MUC5AC: variants seen among roughly 807,000 people sequenced by gnomAD.
MUC5AC encodes the protein mucin 5AC, oligomeric mucus/gel-forming.
MUC5AC carries 158 observed loss-of-function variants against 169.7 expected under a neutral mutation model. That is an observed-to-expected ratio of 0.93 (90% CI 0.82 to 1.06). The LOEUF (loss-of-function observed/expected upper bound fraction) is 1.06. Ranked by LOEUF, MUC5AC falls within the 50% of genes least tolerant of loss-of-function variation. The probability of loss-of-function intolerance (pLI) is 0.00; values close to 1 mark genes in which losing one functional copy is unlikely to be tolerated. For missense variants in MUC5AC, 4,359 were observed against 3,089.9 expected, an observed-to-expected ratio of 1.41 and a Z score of -9.74; for synonymous variants, 1,975 against 1,237.0, an observed-to-expected ratio of 1.60 and a Z score of -12.52.
intron 11 of MUC5AC, among the ~76,000 whole-genome samples, chr11:1,167,556 T>G (rs181148298): frequency 6.6e-6 from 1 of 152,360 alleles, no homozygotes; most frequent in Non-Finnish European, 1.5e-5. Context: ...TCCACTGCCC[T>G]GAAACCCCTT....
chr11:1,160,785 C>T (rs1386780826), intron 2 of MUC5AC, 96 bp downstream of exon 2: 1 of 1,283,984 alleles, frequency 7.8e-7, no homozygotes, highest in Admixed American at 2.1e-5. Flanking sequence ...AGGGTGGCTC[C>T]CCAGCTGGCC....
In MUC5AC at chr11:1,179,175, G is replaced by A. The variant is rs1410221829; in HGVS notation, c.3411G>A (p.Thr1137=). ...DSGGDCECFC[T]AVAAYAQACH... Reference sequence around the variant, plus strand: ...GGGGTGACTGCGAGTGCTTCTGCACGGCTGTGGCCGCCTACGCCCAGGCCT... The same window carrying A: ...GGGGTGACTGCGAGTGCTTCTGCACAGCTGTGGCCGCCTACGCCCAGGCCT... Residue 1137 remains threonine, a synonymous_variant, in exon 26 of 49, where the codon ACG becomes ACA. Coordinates refer to ENST00000621226, the MANE Select transcript of MUC5AC (RefSeq NM_001304359.2). 21 of 681,872 alleles carry A rather than the reference G, an allele frequency of 3.1e-5. 1 individual carries two copies. The highest frequency in any genetic ancestry group is 5.4e-4 in the Middle Eastern group (2 of 3,728). 42.2% of individuals were successfully genotyped at this position (681,872 alleles called of 1,614,324 possible). A position where few individuals can be genotyped will look rare whatever the true frequency, so the allele number is the denominator to read the frequency against.
rs373230615 is a variant in MUC5AC, at chr11:1,198,933, C to T, written c.16233C>T (p.Gly5411=). The T allele has an allele frequency of 1.3e-6, 1 of 761,730 alleles. No individual in the cohort carries two copies. The highest frequency in any genetic ancestry group is 2.4e-6 in the Non-Finnish European group (1 of 416,546). 47.2% of individuals were successfully genotyped at this position (761,730 alleles called of 1,614,324 possible). ...CCTGCAGGTGTGAGCTGCCGGGTGG[C>T]CCCCCATCGGACGCGTTTGTGGTCA... ...CETCRCELPG[G]PPSDAFVVSC... Residue 5411 remains glycine, a synonymous_variant, in exon 44 of 49, where the codon GGC becomes GGT. Transcript: ENST00000621226.
Position 1,162,206 on chromosome 11 carries a change from G to C in MUC5AC, c.473+38G>C, listed in dbSNP as rs372150343. ...TCTGGGATGGTGGGGGCCACGCGGC[G>C]TGTGGGGTGGCATTTCCGGGTGGTT... On this transcript the variant is annotated intron_variant, in intron 4 of 48. Coordinates refer to ENST00000621226, the MANE Select transcript of MUC5AC (RefSeq NM_001304359.2). 4 of 1,594,672 alleles carry C rather than the reference G, an allele frequency of 2.5e-6. No individual in the cohort carries two copies. The South Asian group carries it at 4.4e-5, about 18-fold the overall frequency.
chr11:1,169,785 C>T (rs1166901796), intron 15 of MUC5AC, among the ~76,000 whole-genome samples: 18 of 146,958 alleles, frequency 1.2e-4, no homozygotes, highest in African/African-American at 3.5e-4. Context: ...CACCCACTCA[C>T]GCTTTCACCC....
intron 16 of MUC5AC, among the ~76,000 whole-genome samples, chr11:1,172,787 C>G (rs1860578165): frequency 6.6e-6 from 1 of 151,944 alleles, no homozygotes; most frequent in East Asian, 1.9e-4. Flanking sequence ...CCCATTCACT[C>G]ACCCACTCAC....
chr11:1,196,109 C>T lies in MUC5AC; in HGVS notation c.15637+55C>T, dbSNP rs144327678. 464 of 715,550 alleles carry T rather than the reference C, an allele frequency of 6.5e-4. 1 individual carries two copies. The highest frequency in any genetic ancestry group is 9.5e-4 in the Non-Finnish European group (371 of 390,906). 44.3% of individuals were successfully genotyped at this position (715,550 alleles called of 1,614,324 possible). ...AAGTCGCTTGTGAGGGGCACAGGCA[C>T]GCCGGACGGACCAACAGGGTGGGCT... On this transcript the variant is annotated intron_variant, in intron 37 of 48. Coordinates refer to ENST00000621226, the MANE Select transcript of MUC5AC (RefSeq NM_001304359.2).
intron 26 of MUC5AC, among the ~76,000 whole-genome samples, chr11:1,179,706 C>A (rs1334743375): frequency 6.7e-6 from 1 of 149,324 alleles, no homozygotes; most frequent in Non-Finnish European, 1.5e-5. Flanking sequence ...GGGAGGAGGG[C>A]GTGGCTGACG....
chr11:1,178,824 C>T, intron 25 of MUC5AC, 141 bp downstream of exon 25: 1 of 448,942 alleles, frequency 2.2e-6, no homozygotes, highest in Non-Finnish European at 3.7e-6. Context: ...CTGGTATGGA[C>T]TCGCCTAGAG....
chr11:1,190,887 A>C lies in MUC5AC; in HGVS notation c.12742A>C (p.Ser4248Arg). The C allele has an allele frequency of 2.7e-6, 2 of 740,746 alleles. No individual in the cohort carries two copies. Among genetic ancestry groups the C allele is most frequent in the Non-Finnish European group, 4.9e-6 (2 of 406,308 alleles). 45.9% of individuals were successfully genotyped at this position (740,746 alleles called of 1,614,324 possible). A position where few individuals can be genotyped will look rare whatever the true frequency, so the allele number is the denominator to read the frequency against. Residue 4248 changes from serine to arginine, a missense_variant, in exon 31 of 49, where the codon AGC (serine) becomes CGC (arginine). Transcript: ENST00000621226. ...TTSTTSAPTT[S>R]TTSGPGTTPS... ...CAGCACAACTTCTGCTCCTACAACC[A>C]GCACAACCTCTGGTCCTGGAACTAC... is the stretch of plus-strand genomic sequence containing the variant.
Position 1,178,694 on chromosome 11 carries a change from C to CG in MUC5AC, c.3327+17dup. ...GCCTGCCACGCACACGTATGCTGGCCGGGGGGCGTTTCTCTGGGCCCAAGG... is the reference window on the plus strand; with the variant it reads ...GCCTGCCACGCACACGTATGCTGGCCGGGGGGGCGTTTCTCTGGGCCCAAGG... On this transcript the variant is annotated intron_variant, in intron 25 of 48. Coordinates refer to ENST00000621226, the MANE Select transcript of MUC5AC (RefSeq NM_001304359.2). 6.4e-6 allele frequency: 8 copies of CG among 1,258,120 alleles called. No individual in the cohort carries two copies. The highest frequency in any genetic ancestry group is 2.5e-4 in the Middle Eastern group (1 of 3,998). The allele number at this position is 1,258,120 out of a possible 1,614,324, so 77.9% of individuals were successfully genotyped here.
rs983083626 is a variant in MUC5AC at position 1,172,535 on chromosome 11, C to T, written c.1965+12C>T. ...GAACCTACTACTCGGTAACATCTGC[C>T]GCCTCTTGGCCCGGTGGGGCTCCAG... On this transcript the variant is annotated intron_variant, in intron 16 of 48. Transcript: ENST00000621226. 6.8e-5 allele frequency: 27 copies of T among 398,562 alleles called. No individual in the cohort carries two copies. Among genetic ancestry groups the T allele is most frequent in the African/African-American group, 2.7e-4 (13 of 48,650 alleles). The allele number at this position is 398,562 out of a possible 1,614,324, so 24.7% of individuals were successfully genotyped here.
rs757080763 is a variant in MUC5AC, at chr11:1,199,718, C to T, written c.16539C>T (p.Asp5513=). The T allele has an allele frequency of 4.2e-5, 30 of 711,498 alleles. No homozygotes were observed. Among genetic ancestry groups the T allele is most frequent in the African/African-American group, 1.0e-4 (6 of 57,590 alleles). The allele number at this position is 711,498 out of a possible 1,614,324, so 44.1% of individuals were successfully genotyped here. Residue 5513 remains aspartate, a synonymous_variant, in exon 47 of 49, where the codon GAC becomes GAT. Coordinates refer to ENST00000621226, the MANE Select transcript of MUC5AC (RefSeq NM_001304359.2). ...CSLDEARMSK[D]GCCRFCPPPP... is the part of the protein sequence containing the mutation. ...AGGACGAGGCCCGCATGAGCAAGGACGGCTGCTGCCGCTTCTGCCCGCCGC... is the reference window on the plus strand; with the variant it reads ...AGGACGAGGCCCGCATGAGCAAGGATGGCTGCTGCCGCTTCTGCCCGCCGC...
rs985995358 is a variant in MUC5AC at position 1,168,787 on chromosome 11, G to A, written c.1705+8G>A. The A allele has an allele frequency of 2.5e-6, 4 of 1,592,756 alleles. No homozygotes were observed. Among genetic ancestry groups the A allele is most frequent in the Non-Finnish European group, 2.6e-6 (3 of 1,165,574 alleles). ...TCCGTGGGCAGACCTGCGGTAAGAG[G>A]GCTGCCTTCTGGGCTTGGAGCCCAC... is the stretch of plus-strand genomic sequence containing the variant. On this transcript the variant is annotated splice_region_variant and intron_variant, in intron 14 of 48. Coordinates refer to ENST00000621226, the MANE Select transcript of MUC5AC (RefSeq NM_001304359.2).
At position 1,169,357 on chromosome 11, in the gene MUC5AC, TCACTCACC is replaced by T. The variant is rs1434121836; in HGVS notation, c.1870+351_1870+358del. On this transcript the variant is annotated intron_variant, in intron 15 of 48. Transcript: ENST00000621226. ...CTCACCCACCCGTTCACCCATTCAC[TCACTCACC>T]CACTCACCCACTCACCCACCTCACT... Among the ~76,000 whole-genome samples the T allele has an allele frequency of 9.7e-3, 1,446 of 149,010 alleles. 6 individuals are homozygous for T. Among genetic ancestry groups the T allele is most frequent in the Non-Finnish European group, 0.014 (938 of 67,116 alleles).
At position 1,191,581 on chromosome 11, in the gene MUC5AC, C is replaced by G. The variant is rs111164685; in HGVS notation, c.13436C>G (p.Thr4479Ser). ...PITSMTSGPGTTPSPVPTTST... is the reference protein window; with the variant it reads ...PITSMTSGPGSTPSPVPTTST... ...ACCAGCATGACCTCTGGTCCTGGAA[C>G]TACTCCCAGCCCTGTTCCCACCACC... Residue 4479 changes from threonine (T) to serine (S), a missense_variant, in exon 31 of 49, where the codon ACT (threonine) becomes AGT (serine). Physicochemically the swap from Thr to Ser is moderately conservative, Grantham distance 58. Transcript: ENST00000621226. The G allele has an allele frequency of 2.7e-6, 2 of 748,474 alleles. No individual in the cohort carries two copies. Among genetic ancestry groups the G allele is most frequent in the African/African-American group, 1.7e-5 (1 of 57,430 alleles). 46.4% of individuals were successfully genotyped at this position (748,474 alleles called of 1,614,324 possible).
At chr11:1,196,266 G>A in intron 37 of MUC5AC, 122 bp from the exon 38 acceptor site, 1 of 687,476 alleles carries the variant, frequency 1.5e-6, no homozygotes, top group Non-Finnish European at 2.6e-6. Flanking sequence ...GGAGGCCGTA[G>A]CCAGGCCCAG....
intron 4 of MUC5AC, 59 bp from the exon 5 acceptor site, chr11:1,162,473 C>T (rs1860172330): frequency 6.8e-7 from 1 of 1,473,644 alleles, no homozygotes; most frequent in Non-Finnish European, 9.4e-7. Context: ...AGGCATCTGC[C>T]CTGCCTGGGG....
In MUC5AC at chr11:1,189,331, C is replaced by T. The variant is rs2133763572; in HGVS notation, c.11186C>T (p.Thr3729Ile). 4 of 576,612 alleles carry T rather than the reference C, an allele frequency of 6.9e-6. No individual in the cohort carries two copies. Among genetic ancestry groups the T allele is most frequent in the South Asian group, 2.4e-5 (1 of 41,574 alleles). 35.7% of individuals were successfully genotyped at this position (576,612 alleles called of 1,614,324 possible). ...TCCTCTGCCCCTACAAGCAGCACAACCTCGGCTCCTACCACCAGCACAATC... is the reference window on the plus strand; with the variant it reads ...TCCTCTGCCCCTACAAGCAGCACAATCTCGGCTCCTACCACCAGCACAATC... ...TTSSAPTSST[T>I]SAPTTSTISA... is the part of the protein sequence containing the mutation. Residue 3729 changes from threonine to isoleucine, a missense_variant, in exon 31 of 49, where the codon ACC becomes ATC. Thr to Ile is a moderately conservative substitution (Grantham distance 89). Transcript: ENST00000621226.
Sources: gnomAD v4.1 joint callset for allele counts (sites outside exome capture counted in the v4.1 genomes callset) on GRCh38, gnomAD v4.1.1 for gene constraint, MANE v1.5 for transcripts, NCBI Gene and HGNC (gene_info 2026-07-23, HGNC 2026-07-21) for gene names.